The following BCAS3 variants were observed in gnomAD, a reference collection of about 807,000 sequenced individuals.
BCAS3 encodes the protein BCAS3 microtubule associated cell migration factor.
Under a neutral mutation model 116.1 loss-of-function variants are expected in BCAS3, and 53 were observed. The observed-to-expected ratio is 0.46, with a 90% confidence interval of 0.37 to 0.57. The LOEUF (loss-of-function observed/expected upper bound fraction) is 0.57, where lower values mean the gene tolerates loss of function less well. Ranked by LOEUF, BCAS3 falls within the 20% of genes least tolerant of loss-of-function variation. The pLI is 0.00. For synonymous variants in BCAS3, 391 were observed against 408.2 expected (o/e 0.96, Z 0.51); for missense variants, 917 against 1,165.4 (o/e 0.79, Z 3.10).
chr17:60,954,737 A>C (rs1404917778), intron 14 of BCAS3, among the ~76,000 whole-genome samples: 1 of 152,126 alleles, frequency 6.6e-6, no homozygotes, highest in Non-Finnish European at 1.5e-5. Flanking sequence ...ATAATGCCCA[A>C]TTTCTTTCTT....
Position 61,349,514 on chromosome 17 carries a change from C to CTCCG in BCAS3, c.2426-18812_2426-18809dup, listed in dbSNP as rs1239512193. Among the ~76,000 whole-genome samples the CTCCG allele has an allele frequency of 2.6e-5, 4 of 152,174 alleles. No homozygotes were observed. The highest frequency in any genetic ancestry group is 2.9e-5 in the Non-Finnish European group (2 of 68,040). ...TTAGATTATTGGTCCAGCTCTGCTT[C>CTCCG]TCCGAAAGCTTTTAGACCAGAGCCC... On this transcript the variant is annotated intron_variant, in intron 22 of 23. Coordinates refer to ENST00000407086, the MANE Select transcript of BCAS3 (RefSeq NM_017679.5). The surrounding 1 kb of genome is among the most constrained non-coding windows in gnomAD (Gnocchi z 4.7).
At chr17:61,275,944 T>TA (rs1338194001) in intron 22 of BCAS3, among the ~76,000 whole-genome samples, 1 of 152,192 alleles carries the variant, frequency 6.6e-6, no homozygotes, top group African/African-American at 2.4e-5. Flanking sequence ...GCTAAATTGA[T>TA]ACAGTACAAA....
chr17:60,759,065 C>T (rs972826754), intron 6 of BCAS3, among the ~76,000 whole-genome samples: 3 of 151,950 alleles, frequency 2.0e-5, no homozygotes, highest in Admixed American at 2.0e-4. Flanking sequence ...CCTCTGCCTC[C>T]CGGGTTCTAT....
intron 19 of BCAS3, among the ~76,000 whole-genome samples, chr17:61,066,059 G>A (rs1022317571): frequency 7.9e-5 from 12 of 152,170 alleles, no homozygotes; most frequent in African/African-American, 2.9e-4. Flanking sequence ...ATTAGGGTCA[G>A]CATTTTTATC....
intron 5 of BCAS3, among the ~76,000 whole-genome samples, chr17:60,732,859 A>T (rs1192679056): frequency 6.6e-6 from 1 of 152,068 alleles, no homozygotes; most frequent in Non-Finnish European, 1.5e-5. Flanking sequence ...AATAAATAAA[A>T]AAGACCTGAG....
intron 6 of BCAS3, among the ~76,000 whole-genome samples, chr17:60,779,833 G>T (rs1398603643): frequency 6.6e-6 from 1 of 152,070 alleles, no homozygotes; most frequent in East Asian, 1.9e-4. Flanking sequence ...AATCATGCAA[G>T]AATGGTATGA....
chr17:61,089,938 T>G (rs1004542623), intron 22 of BCAS3, among the ~76,000 whole-genome samples: 12 of 152,130 alleles, frequency 7.9e-5, no homozygotes, highest in Admixed American at 5.9e-4. Flanking sequence ...GGCATAGAGA[T>G]GCTGATGGTA....
rs1477192752 is a variant in BCAS3, at chr17:61,379,478, G to C, written c.2593+10984G>C. On this transcript the variant is annotated intron_variant, in intron 23 of 23. Transcript: ENST00000407086. The surrounding 1 kb of genome is among the most constrained non-coding windows in gnomAD (Gnocchi z 5.5). ...AAGCCATAGAGCACTGTACCAAGAA[G>C]GCCAAGCCAAGCCCATCCGATTGAA... 1 of 152,146 alleles carries C rather than the reference G, an allele frequency of 6.6e-6. No individual in the cohort carries two copies. The highest frequency in any genetic ancestry group is 1.5e-5 in the Non-Finnish European group (1 of 68,044). 9.4% of individuals were successfully genotyped at this position (152,146 alleles called of 1,614,324 possible).
intron 22 of BCAS3, among the ~76,000 whole-genome samples, chr17:61,190,880 G>A (rs940033073): frequency 2.0e-5 from 3 of 152,124 alleles, no homozygotes; most frequent in East Asian, 1.9e-4. Flanking sequence ...TTGGATTACC[G>A]GTGTGAGCCA....
chr17:61,289,472 A>T (rs563617480), intron 22 of BCAS3, among the ~76,000 whole-genome samples: 4 of 152,282 alleles, frequency 2.6e-5, no homozygotes, highest in African/African-American at 9.6e-5. Flanking sequence ...GTATGCTGTC[A>T]AGTAACAGCT....
intron 22 of BCAS3, among the ~76,000 whole-genome samples, chr17:61,275,315 A>G (rs2050675573): frequency 6.6e-6 from 1 of 152,200 alleles, no homozygotes; most frequent in Non-Finnish European, 1.5e-5. Flanking sequence ...AATATCATAG[A>G]TCTTGAATGG....
At position 60,851,766 on chromosome 17, in the gene BCAS3, C is replaced by T. The variant is rs1378803261; in HGVS notation, c.477-16810C>T. Reference sequence around the variant, plus strand: ...ATTAATACCATATACCATGTCTTATCAGTGGTCCCTGTCTCCCTTCTTGTA... The same window carrying T: ...ATTAATACCATATACCATGTCTTATTAGTGGTCCCTGTCTCCCTTCTTGTA... On this transcript the variant is annotated intron_variant, in intron 7 of 23. Coordinates refer to ENST00000407086, the MANE Select transcript of BCAS3 (RefSeq NM_017679.5). 5 of 1,012,232 alleles carry T rather than the reference C, an allele frequency of 4.9e-6. No homozygotes were observed. The Admixed American group carries it at 6.8e-5, about 14-fold the overall frequency. 62.7% of individuals were successfully genotyped at this position (1,012,232 alleles called of 1,614,324 possible).
chr17:60,947,507 G>A (rs899517044), intron 14 of BCAS3, among the ~76,000 whole-genome samples, 155 bp downstream of exon 14: 5 of 152,106 alleles, frequency 3.3e-5, no homozygotes, highest in Non-Finnish European at 7.4e-5. Context: ...GAAAAATTCC[G>A]TTTTGACCCA....
intron 15 of BCAS3, among the ~76,000 whole-genome samples, chr17:60,991,874 C>G (rs975555788): frequency 6.6e-6 from 1 of 151,924 alleles, no homozygotes; most frequent in African/African-American, 2.4e-5. Flanking sequence ...AATATATGAC[C>G]TTTTGTTTCT....
intron 12 of BCAS3, among the ~76,000 whole-genome samples, chr17:60,920,618 C>T (rs2059020673): frequency 6.6e-6 from 1 of 152,120 alleles, no homozygotes; most frequent in African/African-American, 2.4e-5. Context: ...TGCCTGTAAT[C>T]CCAGCACTTT....
intron 6 of BCAS3, among the ~76,000 whole-genome samples, chr17:60,770,830 A>ATTTT (rs1181438089): frequency 1.1e-5 from 1 of 91,562 alleles, no homozygotes; most frequent in African/African-American, 4.2e-5. Context: ...TAAAACTGAA[A>ATTTT]TTTGTTTTTT....
intron 23 of BCAS3, among the ~76,000 whole-genome samples, chr17:61,375,596 G>T (rs975682642): frequency 6.8e-6 from 1 of 146,028 alleles, no homozygotes; most frequent in African/African-American, 2.6e-5. Context: ...TTGAGATGGA[G>T]TCTCACTCTG....
At chr17:60,727,241 A>G (rs966077232) in intron 5 of BCAS3, 4 of 968,530 alleles carry the variant, frequency 4.1e-6, no homozygotes, top group Non-Finnish European at 6.7e-6. Context: ...AATGACCACC[A>G]TCCTCTTGGA....
intron 7 of BCAS3, among the ~76,000 whole-genome samples, chr17:60,852,125 A>G (rs922474534): frequency 2.2e-4 from 33 of 150,732 alleles, no homozygotes; most frequent in African/African-American, 7.8e-4. Context: ...AATTACTTCT[A>G]TTCCCGTGGT....
Sources: gnomAD v4.1 joint callset for allele counts (sites outside exome capture counted in the v4.1 genomes callset) on GRCh38, gnomAD v4.1.1 for gene constraint, Gnocchi (gnomAD v3.1) non-coding constraint, MANE v1.5 for transcripts, NCBI Gene and HGNC (gene_info 2026-07-23, HGNC 2026-07-21) for gene names.